The following INPP5A variants were observed in gnomAD, a reference collection of about 807,000 sequenced individuals.
The protein encoded by INPP5A is 43 kDa inositol polyphosphate 5-phophatase.
A neutral mutation model predicts 65.2 loss-of-function variants in INPP5A; 14 were observed. The observed-to-expected ratio is 0.21, with a 90% CI of 0.14 to 0.34. INPP5A has a LOEUF of 0.34. Among genes scored for constraint, INPP5A ranks in the 10% least tolerant of loss-of-function variants. The pLI, the probability that INPP5A is intolerant of heterozygous loss-of-function variation, is 1.00. For missense variants in INPP5A, 431 were observed against 545.6 expected (o/e 0.79, Z 2.09); for synonymous variants, 207 against 208.3 (o/e 0.99, Z 0.05).
chr10:132,625,114 C>G (rs1216847286), intron 2 of INPP5A, among the ~76,000 whole-genome samples: 1 of 125,028 alleles, frequency 8.0e-6, no homozygotes, highest in Non-Finnish European at 1.7e-5. Context: ...TCTCCCTCCC[C>G]CCTCCCCCTC....
intron 8 of INPP5A, among the ~76,000 whole-genome samples, chr10:132,716,636 G>A (rs1268531846): frequency 1.3e-5 from 2 of 152,218 alleles, no homozygotes; most frequent in African/African-American, 4.8e-5. Context: ...CTGAACCCCA[G>A]CGTCACCACT....
At chr10:132,766,374 T>C (rs1459042261) in intron 12 of INPP5A, among the ~76,000 whole-genome samples, 2 of 152,224 alleles carry the variant, frequency 1.3e-5, no homozygotes, top group African/African-American at 2.4e-5. Context: ...CTACGGGGAC[T>C]GTGTGTTATG....
In INPP5A at chr10:132,542,587, T is replaced by C. The variant is rs796549607; in HGVS notation, c.75+4416T>C. Among the ~76,000 whole-genome samples, 14 of 152,132 alleles carry C rather than the reference T, an allele frequency of 9.2e-5. 1 individual carries two copies. Among genetic ancestry groups the C allele is most frequent in the African/African-American group, 2.9e-4 (12 of 41,490 alleles). ...CTACCGTGGCAGCCCTCGAGTGGGG[T>C]GGGGGGGTCTCCCCTCCATGTCCTT... On this transcript the variant is annotated intron_variant, in intron 1 of 15. Transcript: ENST00000368594.
Position 132,676,596 on chromosome 10 carries a change from C to T in INPP5A, c.307-13796C>T, listed in dbSNP as rs1370510351. On this transcript the variant is annotated intron_variant, in intron 4 of 15. Coordinates refer to ENST00000368594, the MANE Select transcript of INPP5A (RefSeq NM_005539.5). This position sits in a 1 kb window ranked among gnomAD's most constrained non-coding sequence, Gnocchi z 4.0. Reference sequence around the variant, plus strand: ...TGTGGGACAGGGCTGCCCAAACCGCCGCTGGCCTACAGACTGCTGTCCCGG... The same window carrying T: ...TGTGGGACAGGGCTGCCCAAACCGCTGCTGGCCTACAGACTGCTGTCCCGG... Among the ~76,000 whole-genome samples, 3 of 152,278 alleles carry T rather than the reference C, an allele frequency of 2.0e-5. No homozygotes were observed. Among genetic ancestry groups the T allele is most frequent in the Admixed American group, 6.5e-5 (1 of 15,308 alleles).
At chr10:132,599,043 G>T (rs1231233005) in intron 1 of INPP5A, among the ~76,000 whole-genome samples, 1 of 152,082 alleles carries the variant, frequency 6.6e-6, no homozygotes, top group African/African-American at 2.4e-5. Flanking sequence ...GATTTGGGTG[G>T]GGACACAGCC....
intron 1 of INPP5A, among the ~76,000 whole-genome samples, chr10:132,570,883 G>A (rs2071332688): frequency 1.3e-5 from 2 of 152,196 alleles, no homozygotes; most frequent in Admixed American, 6.5e-5. Flanking sequence ...CCGTCCTTCC[G>A]GCCGCTGCTG....
intron 1 of INPP5A, among the ~76,000 whole-genome samples, chr10:132,565,924 T>G (rs891961711): frequency 6.6e-6 from 1 of 152,078 alleles, no homozygotes. Context: ...TGGAGGTACC[T>G]TCAGTGGAGT....
intron 6 of INPP5A, 110 bp from the exon 7 acceptor site, chr10:132,708,203 T>C (rs1025305675): frequency 1.1e-6 from 1 of 904,392 alleles, no homozygotes; most frequent in Non-Finnish European, 1.8e-6. Flanking sequence ...GGAAGAGCCC[T>C]GCTGTTTTTT....
intron 4 of INPP5A, among the ~76,000 whole-genome samples, chr10:132,667,322 C>T (rs1284987839): frequency 6.6e-6 from 1 of 152,206 alleles, no homozygotes; most frequent in African/African-American, 2.4e-5. Context: ...CAAATCAAAT[C>T]AAGCCATTAC....
intron 2 of INPP5A, among the ~76,000 whole-genome samples, chr10:132,614,078 C>T (rs1051604848): frequency 6.6e-6 from 1 of 152,214 alleles, no homozygotes; most frequent in Admixed American, 6.5e-5. Flanking sequence ...CGTGAGCACC[C>T]TCGACGCCTT....
chr10:132,580,533 G>T (rs2071469944), intron 1 of INPP5A, among the ~76,000 whole-genome samples: 2 of 152,222 alleles, frequency 1.3e-5, no homozygotes, highest in Non-Finnish European at 2.9e-5. Flanking sequence ...CTTCATGGCA[G>T]TGTGAGAACG....
intron 1 of INPP5A, among the ~76,000 whole-genome samples, chr10:132,599,823 A>G (rs192952502): frequency 6.6e-6 from 1 of 152,250 alleles, no homozygotes; most frequent in African/African-American, 2.4e-5. Context: ...AAGGCTCAAC[A>G]CCACTGGCAG....
At chr10:132,665,157 C>G (rs929792497) in intron 4 of INPP5A, among the ~76,000 whole-genome samples, 2 of 152,226 alleles carry the variant, frequency 1.3e-5, no homozygotes, top group African/African-American at 2.4e-5. Context: ...GGCCTTCCCT[C>G]GCCTTTGCAG....
Position 132,583,642 on chromosome 10 carries a change from T to G in INPP5A, c.76-24273T>G, listed in dbSNP as rs532321149. On this transcript the variant is annotated intron_variant, in intron 1 of 15. Transcript: ENST00000368594. The stretch of plus-strand genomic sequence containing the variant: ...TTTCGCCGTCGAGGAATGTCGAATG[T>G]GCTCAGATGGTTTTTCTGTATGTGC... Among the ~76,000 whole-genome samples, 3 of 152,364 alleles carry G rather than the reference T, an allele frequency of 2.0e-5. No homozygotes were observed. In the East Asian group the frequency reaches 5.8e-4, roughly 29 times the overall value.
intron 11 of INPP5A, among the ~76,000 whole-genome samples, chr10:132,754,734 GT>G (rs1281274432): frequency 6.6e-6 from 1 of 152,258 alleles, no homozygotes; most frequent in Non-Finnish European, 1.5e-5. Context: ...ATCCCATTCA[GT>G]CCCCATGGGA....
chr10:132,777,377 G>C (rs891659509), intron 12 of INPP5A, among the ~76,000 whole-genome samples: 4 of 152,210 alleles, frequency 2.6e-5, no homozygotes, highest in African/African-American at 7.2e-5. Flanking sequence ...TTTAGACCAT[G>C]TTCAAAAAAC....
intron 2 of INPP5A, among the ~76,000 whole-genome samples, chr10:132,609,321 G>A (rs1049665940): frequency 1.3e-5 from 2 of 152,224 alleles, no homozygotes; most frequent in African/African-American, 4.8e-5. Flanking sequence ...TGAAGCTGCC[G>A]TGCCACCCCC....
At position 132,707,145 on chromosome 10, in the gene INPP5A, T is replaced by G. The variant is rs1171909688; in HGVS notation, c.475-1168T>G. On this transcript the variant is annotated intron_variant, in intron 6 of 15. Transcript: ENST00000368594. This position sits in a 1 kb window ranked among gnomAD's most constrained non-coding sequence, Gnocchi z 5.5. The stretch of plus-strand genomic sequence containing the variant: ...CAGTTAACTCCAGATTCCCATCTGC[T>G]TTCATCTCCTCAGCAGACCTTAGGG... Among the ~76,000 whole-genome samples, 1 of 152,190 alleles carries G rather than the reference T, an allele frequency of 6.6e-6. No homozygotes were observed. The highest frequency in any genetic ancestry group is 6.5e-5 in the Admixed American group (1 of 15,286).
chr10:132,562,007 C>T (rs1055695601), intron 1 of INPP5A, among the ~76,000 whole-genome samples: 1 of 152,208 alleles, frequency 6.6e-6, no homozygotes, highest in African/African-American at 2.4e-5. Flanking sequence ...TTATGATGGG[C>T]AAACTCATGT....
Sources: allele counts gnomAD v4.1 joint callset (sites outside exome capture counted in the v4.1 genomes callset), GRCh38; gene constraint gnomAD v4.1.1; non-coding constraint Gnocchi (gnomAD v3.1); transcripts MANE v1.5; gene names NCBI Gene and HGNC (gene_info 2026-07-23, HGNC 2026-07-21).